Variants in DPH6 observed in about 807,000 individuals in gnomAD.
The protein encoded by DPH6 is diphthine--ammonia ligase.
In DPH6, 33 loss-of-function variants were observed where a neutral mutation model predicts 38.2. That is an observed-to-expected ratio of 0.86 (90% CI 0.65 to 1.15). The LOEUF (loss-of-function observed/expected upper bound fraction) is 1.15. DPH6 is among the 50% of genes most tolerant of loss of function. The pLI, the probability that DPH6 is intolerant of heterozygous loss-of-function variation, is 0.00. For missense variants in DPH6, 325 were observed against 320.0 expected, an observed-to-expected ratio of 1.02 and a Z score of -0.12; for synonymous variants, 108 against 103.0, an observed-to-expected ratio of 1.05 and a Z score of -0.30.
intron 3 of DPH6, among the ~76,000 whole-genome samples, chr15:35,334,063 A>C (rs1393649857): frequency 6.6e-6 from 1 of 151,912 alleles, no homozygotes; most frequent in African/African-American, 2.4e-5. Flanking sequence ...TAAGGATCTA[A>C]TGGGCACCAA....
the DPH6 span, among the ~76,000 whole-genome samples, chr15:35,211,325 A>G: frequency 1.9e-4 from 29 of 152,190 alleles, no homozygotes; most frequent in Admixed American, 1.9e-3. Flanking sequence ...GCTCAGTGAA[A>G]AGAAATCTCA....
chr15:35,468,959 T>G (rs1010122122), intron 3 of DPH6, among the ~76,000 whole-genome samples: 3 of 152,122 alleles, frequency 2.0e-5, no homozygotes, highest in Non-Finnish European at 2.9e-5. Flanking sequence ...TCCCAGTTAC[T>G]TGGGAGGCAG....
rs556677892 is a variant in DPH6, at chr15:35,218,801, TA to T, written n.1981del. On this transcript the variant is annotated non_coding_transcript_exon_variant, in exon 4 of 4. Transcript: ENST00000560386. ...TACTAAAATGAGAACGTCTGGTGTTTATTTGAATTATATGACAATCAACTGA... is the reference window on the plus strand; with the variant it reads ...TACTAAAATGAGAACGTCTGGTGTTTTTTGAATTATATGACAATCAACTGA... The T allele has an allele frequency of 4.6e-5, 7 of 152,272 alleles. No individual in the cohort carries two copies. In the East Asian group the frequency reaches 1.3e-3, roughly 29 times the overall value. 9.4% of individuals were successfully genotyped at this position (152,272 alleles called of 1,614,324 possible).
chr15:35,204,824 T>A, the DPH6 span, among the ~76,000 whole-genome samples: 1 of 151,866 alleles, frequency 6.6e-6, no homozygotes, highest in East Asian at 1.9e-4. Context: ...ATAACCACAT[T>A]GAAGAGTTGC....
At chr15:35,460,903 TAAA>T (rs549293460) in intron 3 of DPH6, among the ~76,000 whole-genome samples, 3 of 114,772 alleles carry the variant, frequency 2.6e-5, no homozygotes, top group South Asian at 3.0e-4. Context: ...CACAAACTGG[TAAA>T]AAAAAAAAAA....
intron 3 of DPH6, among the ~76,000 whole-genome samples, chr15:35,501,019 G>A (rs1260951737): frequency 6.6e-6 from 1 of 152,104 alleles, no homozygotes; most frequent in Non-Finnish European, 1.5e-5. Context: ...GGGACTACAG[G>A]CGTGAGCCAC....
chr15:35,446,947 C>A lies in DPH6; in HGVS notation c.505+3738G>T, dbSNP rs532507612. ...GCAGTGGCGTGATCTCGGCTCATTG[C>A]AACCTCTGCCTCCTGGGTTCATGCC... On this transcript the variant is annotated intron_variant, in intron 5 of 8. Coordinates refer to ENST00000256538, the MANE Select transcript of DPH6 (RefSeq NM_080650.4). Among the ~76,000 whole-genome samples the A allele has an allele frequency of 5.9e-5, 9 of 151,744 alleles. No individual in the cohort carries two copies. In the East Asian group the frequency reaches 1.7e-3, roughly 29 times the overall value.
rs533672337 is a variant in DPH6, at chr15:35,283,528, C to T, written n.201-62946G>A. On this transcript the variant is annotated intron_variant and non_coding_transcript_variant, in intron 3 of 3. Transcript: ENST00000560386. The stretch of plus-strand genomic sequence containing the variant: ...GGCCAGGCTGGTCTCAAACTCCCGT[C>T]CTCATGATCCGCCGCTTTGGCCTCC... 3.9e-5 allele frequency among the ~76,000 whole-genome samples: 6 copies of T among 152,188 alleles called. No individual in the cohort carries two copies. In the South Asian group the frequency reaches 8.3e-4, roughly 21 times the overall value.
Position 35,424,855 on chromosome 15 carries a change from T to C in DPH6, c.506-13959A>G, listed in dbSNP as rs564147259. ...GAACTTAATCCTGCTTGAGTGAAGA[T>C]GGAATCAAATTAATAGAAAAAGCTG... On this transcript the variant is annotated intron_variant, in intron 5 of 8. Coordinates refer to ENST00000256538, the MANE Select transcript of DPH6 (RefSeq NM_080650.4). Among the ~76,000 whole-genome samples, 10 of 151,700 alleles carry C rather than the reference T, an allele frequency of 6.6e-5. No homozygotes were observed. In the South Asian group the frequency reaches 1.0e-3, roughly 16 times the overall value.
Position 35,424,230 on chromosome 15 carries a change from T to A in DPH6, c.506-13334A>T, listed in dbSNP as rs72703202. 1.7e-3 allele frequency among the ~76,000 whole-genome samples: 253 copies of A among 151,812 alleles called. 1 individual carries two copies. The highest frequency in any genetic ancestry group is 4.2e-3 in the East Asian group (22 of 5,186). ...TCCATTAATGTTTGACTTTTTAAAT[T>A]TCCTTCAGCAATATTTTACAATTTT... On this transcript the variant is annotated intron_variant, in intron 5 of 8. Transcript: ENST00000256538.
At chr15:35,347,016 A>C (rs2052467289) in intron 3 of DPH6, among the ~76,000 whole-genome samples, 1 of 152,078 alleles carries the variant, frequency 6.6e-6, no homozygotes, top group Non-Finnish European at 1.5e-5. Context: ...TTATAGCATA[A>C]AATTTACAAT....
At chr15:35,203,932 T>C in the DPH6 span, among the ~76,000 whole-genome samples, 1 of 151,742 alleles carries the variant, frequency 6.6e-6, no homozygotes, top group South Asian at 2.1e-4. Flanking sequence ...AGTCTTTTGG[T>C]GGAGATCTTA....
intron 1 of DPH6, 131 bp downstream of exon 1, chr15:35,545,988 T>C: frequency 1.2e-6 from 1 of 844,408 alleles, no homozygotes; most frequent in Non-Finnish European, 1.6e-6. Context: ...CCTCTTCCTG[T>C]GGCTCGGAGG....
chr15:35,540,278 G>A (rs2141564062), intron 2 of DPH6, among the ~76,000 whole-genome samples: 1 of 152,198 alleles, frequency 6.6e-6, no homozygotes, highest in African/African-American at 2.4e-5. Flanking sequence ...CAATTAACAT[G>A]CCACAAAAGT....
intron 3 of DPH6, among the ~76,000 whole-genome samples, chr15:35,252,342 A>G (rs1305201758): frequency 6.6e-6 from 1 of 151,890 alleles, no homozygotes; most frequent in East Asian, 1.9e-4. Context: ...ACAAGCCTAT[A>G]AACAAAAAAA....
intron 6 of DPH6, among the ~76,000 whole-genome samples, chr15:35,391,129 T>C (rs1465046398): frequency 6.6e-6 from 1 of 152,166 alleles, no homozygotes; most frequent in Non-Finnish European, 1.5e-5. Flanking sequence ...TTTGCCTGGG[T>C]ATCAGCAGCG....
intron 3 of DPH6, among the ~76,000 whole-genome samples, chr15:35,274,917 ATTCT>A (rs2051847574): frequency 1.3e-5 from 2 of 150,384 alleles, no homozygotes; most frequent in Non-Finnish European, 3.0e-5. Flanking sequence ...ACTATAAATC[ATTCT>A]TTTTTTTTTT....
intron 3 of DPH6, among the ~76,000 whole-genome samples, chr15:35,532,443 A>G (rs1269810473): frequency 6.6e-6 from 1 of 152,192 alleles, no homozygotes; most frequent in African/African-American, 2.4e-5. Flanking sequence ...TACCAGCATT[A>G]TCAATAGGTG....
intron 3 of DPH6, among the ~76,000 whole-genome samples, chr15:35,513,583 T>C (rs2054804482): frequency 6.6e-6 from 1 of 152,060 alleles, no homozygotes; most frequent in Non-Finnish European, 1.5e-5. Flanking sequence ...ATCAAATAAC[T>C]GCGGTAAATA....
Sources: allele counts gnomAD v4.1 joint callset (sites outside exome capture counted in the v4.1 genomes callset), GRCh38; gene constraint gnomAD v4.1.1; transcripts MANE v1.5; gene names NCBI Gene and HGNC (gene_info 2026-07-23, HGNC 2026-07-21).